Variants in TERB1 observed in about 807,000 individuals in gnomAD.
TERB1 encodes the protein telomere repeats-binding bouquet formation protein 1.
A neutral mutation model predicts 92.3 loss-of-function variants in TERB1; 63 were observed. That is an observed-to-expected ratio of 0.68 (90% confidence interval 0.56 to 0.84). TERB1 has a LOEUF of 0.84. TERB1 is among the 40% of genes least tolerant of loss of function. The pLI, the probability that TERB1 is intolerant of heterozygous loss-of-function variation, is 0.00. For synonymous variants in TERB1, 252 were observed against 283.9 expected, an observed-to-expected ratio of 0.89 and a Z score of 1.13; for missense variants, 709 against 843.7, an observed-to-expected ratio of 0.84 and a Z score of 1.98.
At chr16:66,791,486 G>T (rs1454184650) in intron 3 of TERB1, among the ~76,000 whole-genome samples, 1 of 151,956 alleles carries the variant, frequency 6.6e-6, no homozygotes, top group Admixed American at 6.6e-5. Context: ...AAATTATAAA[G>T]ATCTAAGCTG....
At chr16:66,758,073 C>T (rs2018166693) in intron 18 of TERB1, among the ~76,000 whole-genome samples, 1 of 152,168 alleles carries the variant, frequency 6.6e-6, no homozygotes, top group African/African-American at 2.4e-5. Context: ...GAGGATAGAA[C>T]AAGGGCTTCT....
intron 3 of TERB1, among the ~76,000 whole-genome samples, chr16:66,794,096 CTCTTTTCTTT>C (rs113661872): frequency 6.6e-6 from 1 of 151,854 alleles, no homozygotes; most frequent in East Asian, 1.9e-4. Context: ...GACTTTTCTT[CTCTTTTCTTT>C]TCTTTTCTTT....
intron 9 of TERB1, 25 bp downstream of exon 9, chr16:66,785,761 G>T: frequency 1.3e-6 from 2 of 1,498,448 alleles, no homozygotes; most frequent in South Asian, 2.7e-5. Context: ...CTTCAACTAT[G>T]ACCTAGAAAA....
At chr16:66,759,797 CAAAAAAAAA>C (rs762588462) in intron 16 of TERB1, among the ~76,000 whole-genome samples, 3 of 30,802 alleles carry the variant, frequency 9.7e-5, no homozygotes, top group Admixed American at 6.2e-4. Context: ...GACTCTGTCT[CAAAAAAAAA>C]AAAAAAAAAA....
chr16:66,788,306 T>C lies in TERB1; in HGVS notation c.272-9A>G, dbSNP rs1225387033. The C allele has an allele frequency of 3.4e-6, 5 of 1,466,906 alleles. No individual in the cohort carries two copies. The South Asian group carries it at 4.3e-5, about 13-fold the overall frequency. The allele number at this position is 1,466,906 out of a possible 1,614,324, so 90.9% of individuals were successfully genotyped here. A position where few individuals can be genotyped will look rare whatever the true frequency, so the allele number is the denominator to read the frequency against. ...AGTCTGCTGACAGTAAACTGAAATA[T>C]AAAATATAATTTTAATTTCAATGCA... On this transcript the variant is annotated splice_polypyrimidine_tract_variant and intron_variant, in intron 5 of 18. Transcript: ENST00000433154.
In TERB1 at chr16:66,777,382, T is replaced by A. The variant is rs1412575455; in HGVS notation, c.854-48A>T. ...AAAGATAGTACAAATTTAAAACTTA[T>A]AAATGTATATATACTATGTATTTTT... is the stretch of plus-strand genomic sequence containing the variant. On this transcript the variant is annotated intron_variant, in intron 10 of 18. Transcript: ENST00000433154. 2.5e-6 allele frequency: 3 copies of A among 1,221,276 alleles called. No individual in the cohort carries two copies. The East Asian group carries it at 7.7e-5, about 31-fold the overall frequency. 75.7% of individuals were successfully genotyped at this position (1,221,276 alleles called of 1,614,324 possible).
At chr16:66,770,991 C>A (rs1349306224) in intron 13 of TERB1, among the ~76,000 whole-genome samples, 1 of 152,144 alleles carries the variant, frequency 6.6e-6, no homozygotes, top group African/African-American at 2.4e-5. Context: ...GCTGGGACCA[C>A]AGGCATACAA....
At chr16:66,780,593 G>C (rs1306818897) in intron 9 of TERB1, among the ~76,000 whole-genome samples, 2 of 151,248 alleles carry the variant, frequency 1.3e-5, no homozygotes, top group Non-Finnish European at 2.9e-5. Context: ...AAAAGCACTT[G>C]TTAATGCATT....
Position 66,796,749 on chromosome 16 carries a change from T to C in TERB1, c.31+19A>G. ...CAATACAAAACTCATTGCAGATATA[T>C]GATCCATCAATTTCTCACCTTGTGT... On this transcript the variant is annotated intron_variant, in intron 3 of 18. Coordinates refer to ENST00000433154, the MANE Select transcript of TERB1 (RefSeq NM_001136505.2). 2 of 1,511,630 alleles carry C rather than the reference T, an allele frequency of 1.3e-6. No individual in the cohort carries two copies. The highest frequency in any genetic ancestry group is 1.8e-6 in the Non-Finnish European group (2 of 1,110,900). 93.6% of individuals were successfully genotyped at this position (1,511,630 alleles called of 1,614,324 possible).
chr16:66,774,375 CG>C (rs1196628218), intron 12 of TERB1, among the ~76,000 whole-genome samples: 5 of 151,460 alleles, frequency 3.3e-5, no homozygotes, highest in African/African-American at 1.2e-4. Context: ...TTAGTAGAGA[CG>C]GGGTTTCACT....
chr16:66,768,573 T>C (rs1189717317), intron 14 of TERB1, among the ~76,000 whole-genome samples: 1 of 152,114 alleles, frequency 6.6e-6, no homozygotes, highest in Non-Finnish European at 1.5e-5. Context: ...CCCAAAACAT[T>C]TGTATGTTTG....
intron 12 of TERB1, among the ~76,000 whole-genome samples, chr16:66,773,166 TAAA>T (rs34191234): frequency 1.5e-5 from 2 of 129,132 alleles, no homozygotes. Context: ...CCACCTCTAC[TAAA>T]AAAAAAAAAA....
chr16:66,767,229 C>T (rs1366526969), intron 16 of TERB1, among the ~76,000 whole-genome samples, 186 bp downstream of exon 16: 1 of 150,702 alleles, frequency 6.6e-6, no homozygotes, highest in Non-Finnish European at 1.5e-5. Context: ...ATCCCAGCTA[C>T]TTGGGAGGCT....
chr16:66,799,305 G>A (rs1381211687), intron 2 of TERB1, among the ~76,000 whole-genome samples: 1 of 152,074 alleles, frequency 6.6e-6, no homozygotes, highest in Non-Finnish European at 1.5e-5. Context: ...TCAGCTCACT[G>A]TAACCTCCAC....
chr16:66,800,493 C>A (rs1597031328), intron 2 of TERB1, among the ~76,000 whole-genome samples: 1 of 145,874 alleles, frequency 6.9e-6, no homozygotes, highest in South Asian at 2.2e-4. Context: ...CGGGTTCAAG[C>A]GACTCTCCTG....
At chr16:66,768,240 G>A in intron 14 of TERB1, 72 bp from the exon 15 acceptor site, 1 of 1,214,170 alleles carries the variant, frequency 8.2e-7, no homozygotes, top group Non-Finnish European at 1.2e-6. Context: ...GTTTCTGTAA[G>A]CAGTGTTGTG....
chr16:66,785,738 T>C, intron 9 of TERB1, 48 bp downstream of exon 9: 1 of 1,459,788 alleles, frequency 6.9e-7, no homozygotes, highest in Non-Finnish European at 9.1e-7. Flanking sequence ...TTATTATGCT[T>C]TGAAATATGT....
rs1295411466 is a variant in TERB1 at position 66,768,084 on chromosome 16, A to G, written c.1684+20T>C. 5 of 1,531,422 alleles carry G rather than the reference A, an allele frequency of 3.3e-6. No individual in the cohort carries two copies. Among genetic ancestry groups the G allele is most frequent in the African/African-American group, 1.4e-5 (1 of 72,676 alleles). 94.9% of individuals were successfully genotyped at this position (1,531,422 alleles called of 1,614,324 possible). ...AATATCTGTTTTATTAAAAAACCAA[A>G]GAAACATTTTTAATCATACCTGTTA... On this transcript the variant is annotated intron_variant, in intron 15 of 18. Transcript: ENST00000433154.
rs979547236 is a variant in TERB1, at chr16:66,777,481, A to G, written c.854-147T>C. 126 of 455,294 alleles carry G rather than the reference A, an allele frequency of 2.8e-4. 1 individual carries two copies. The East Asian group carries it at 4.0e-3, about 14-fold the overall frequency. 28.2% of individuals were successfully genotyped at this position (455,294 alleles called of 1,614,324 possible). A position where few individuals can be genotyped will look rare whatever the true frequency, so the allele number is the denominator to read the frequency against. On this transcript the variant is annotated intron_variant, in intron 10 of 18. Transcript: ENST00000433154. ...ACACATATCATAACATCTAATAAAT[A>G]TGTGTATGTGTGAATATAAATAAAA...
Sources: allele counts gnomAD v4.1 joint callset (sites outside exome capture counted in the v4.1 genomes callset), GRCh38; gene constraint gnomAD v4.1.1; transcripts MANE v1.5; gene names NCBI Gene and HGNC (gene_info 2026-07-23, HGNC 2026-07-21).